Variants in TAFA1 observed in about 807,000 individuals in gnomAD.
TAFA1 encodes the protein TAFA chemokine like family member 1.
A neutral mutation model predicts 18.5 loss-of-function variants in TAFA1; 4 were observed. The ratio of observed to expected loss-of-function variants is 0.22; its 90% CI spans 0.11 to 0.49. The LOEUF (loss-of-function observed/expected upper bound fraction) is 0.49. Among genes scored for constraint, TAFA1 ranks in the 20% least tolerant of loss-of-function variants. The pLI is 0.98. For synonymous variants in TAFA1, 56 were observed against 55.2 expected, an observed-to-expected ratio of 1.01 and a Z score of -0.06; for missense variants, 147 against 169.0, an observed-to-expected ratio of 0.87 and a Z score of 0.72.
rs143873429 is a variant in TAFA1 at position 68,352,080 on chromosome 3, C to G, written c.119-65200C>G. ...TAAGAATACACAATTGTGGGAGATTCCAGGAAAGTAAGGGTCTGAAGGAGG... is the reference window on the plus strand; with the variant it reads ...TAAGAATACACAATTGTGGGAGATTGCAGGAAAGTAAGGGTCTGAAGGAGG... On this transcript the variant is annotated intron_variant, in intron 2 of 4. Coordinates refer to ENST00000478136, the MANE Select transcript of TAFA1 (RefSeq NM_213609.4). Among the ~76,000 whole-genome samples the G allele has an allele frequency of 9.9e-5, 15 of 151,946 alleles. No homozygotes were observed. The East Asian group carries it at 2.9e-3, about 30-fold the overall frequency.
chr3:68,176,341 G>A (rs1372299265), intron 2 of TAFA1, among the ~76,000 whole-genome samples: 1 of 152,138 alleles, frequency 6.6e-6, no homozygotes, highest in African/African-American at 2.4e-5. Flanking sequence ...AACTAGGTGA[G>A]CATGGTGTCA....
chr3:67,991,696 C>T, the TAFA1 span, among the ~76,000 whole-genome samples: 65 of 152,202 alleles, frequency 4.3e-4, no homozygotes, highest in Non-Finnish European at 8.5e-4. Flanking sequence ...ACACCATCAG[C>T]TTCCCTGGTC....
At chr3:68,409,786 T>G (rs1213538820) in intron 2 of TAFA1, among the ~76,000 whole-genome samples, 1 of 152,038 alleles carries the variant, frequency 6.6e-6, no homozygotes, top group Admixed American at 6.6e-5. Flanking sequence ...TAGCCCAGAG[T>G]GATCCAGTTG....
At chr3:68,033,279 C>T (rs1559710521) in intron 2 of TAFA1, among the ~76,000 whole-genome samples, 1 of 152,114 alleles carries the variant, frequency 6.6e-6, no homozygotes, top group Non-Finnish European at 1.5e-5. Context: ...TCAGCTGTTT[C>T]GATCTTCACC....
chr3:68,118,317 A>T (rs1240624184), intron 2 of TAFA1, among the ~76,000 whole-genome samples: 2 of 152,076 alleles, frequency 1.3e-5, no homozygotes, highest in Non-Finnish European at 1.5e-5. Flanking sequence ...CTACCATAAG[A>T]ATCTAATACT....
intron 2 of TAFA1, among the ~76,000 whole-genome samples, chr3:68,295,422 A>G (rs1246591799): frequency 6.6e-6 from 1 of 152,178 alleles, no homozygotes; most frequent in Non-Finnish European, 1.5e-5. Context: ...TCAGTTAAAA[A>G]AAAAAGACTT....
intron 2 of TAFA1, among the ~76,000 whole-genome samples, chr3:68,324,804 C>T (rs974436181): frequency 2.0e-5 from 3 of 152,068 alleles, no homozygotes; most frequent in East Asian, 1.9e-4. Flanking sequence ...GTAGGACAAA[C>T]GAAGTGGAGC....
chr3:68,021,185 CAAAAAAAAA>C (rs10610707), intron 2 of TAFA1, among the ~76,000 whole-genome samples: 3,541 of 56,106 alleles, frequency 0.063, 130 homozygotes, highest in East Asian at 0.28. Context: ...GACCCTGTCT[CAAAAAAAAA>C]AAAAAAAAAA....
At chr3:68,536,980 AT>A (rs2073287492) in intron 3 of TAFA1, among the ~76,000 whole-genome samples, 1 of 152,140 alleles carries the variant, frequency 6.6e-6, no homozygotes, top group African/African-American at 2.4e-5. Context: ...CTTTCAGTCA[AT>A]TCATTTTTTC....
chr3:68,458,492 T>C (rs772516386), intron 3 of TAFA1, among the ~76,000 whole-genome samples: 1 of 152,174 alleles, frequency 6.6e-6, no homozygotes, highest in Non-Finnish European at 1.5e-5. Flanking sequence ...CATATACCTG[T>C]TCATTGTTTT....
At chr3:68,229,837 T>G (rs1217520049) in intron 2 of TAFA1, among the ~76,000 whole-genome samples, 3 of 152,224 alleles carry the variant, frequency 2.0e-5, no homozygotes, top group African/African-American at 7.2e-5. Flanking sequence ...TTTCTTCATC[T>G]ATATAACGGA....
chr3:68,236,015 T>G (rs1231852481), intron 2 of TAFA1, among the ~76,000 whole-genome samples: 3 of 152,182 alleles, frequency 2.0e-5, no homozygotes, highest in Admixed American at 2.0e-4. Flanking sequence ...GAGTTAGCTT[T>G]TGGCATCTGC....
chr3:68,143,430 T>A (rs187714441), intron 2 of TAFA1, among the ~76,000 whole-genome samples: 87 of 152,310 alleles, frequency 5.7e-4, no homozygotes, highest in African/African-American at 2.0e-3. Context: ...ATCCTTCTAC[T>A]AACACTCTGA....
chr3:68,489,916 G>A (rs143891625), intron 3 of TAFA1, among the ~76,000 whole-genome samples: 2 of 152,284 alleles, frequency 1.3e-5, no homozygotes, highest in African/African-American at 4.8e-5. Context: ...CCAGCTGGAT[G>A]AGCCATCTTT....
intron 3 of TAFA1, among the ~76,000 whole-genome samples, chr3:68,530,395 C>A (rs1260287359): frequency 2.0e-5 from 3 of 152,000 alleles, no homozygotes; most frequent in Admixed American, 2.0e-4. Flanking sequence ...AGCAATATGA[C>A]CTAGTATAAG....
At chr3:68,309,183 T>C (rs1226343307) in intron 2 of TAFA1, among the ~76,000 whole-genome samples, 1 of 152,202 alleles carries the variant, frequency 6.6e-6, no homozygotes, top group African/African-American at 2.4e-5. Flanking sequence ...AATATTTGTC[T>C]ATTCTGTTTA....
chr3:68,173,910 A>AG (rs2066090995), intron 2 of TAFA1, among the ~76,000 whole-genome samples: 1 of 136,024 alleles, frequency 7.4e-6, no homozygotes, highest in African/African-American at 2.7e-5. Context: ...AATTAAAAAA[A>AG]TATATATTTC....
chr3:68,246,406 C>T (rs1002102589), intron 2 of TAFA1, among the ~76,000 whole-genome samples: 2 of 151,484 alleles, frequency 1.3e-5, no homozygotes, highest in African/African-American at 4.8e-5. Flanking sequence ...CTGGCTAACA[C>T]GGTGAAACCC....
intron 3 of TAFA1, among the ~76,000 whole-genome samples, chr3:68,527,376 G>A (rs945997992): frequency 6.6e-6 from 1 of 152,142 alleles, no homozygotes; most frequent in African/African-American, 2.4e-5. Flanking sequence ...ATGTACCCCT[G>A]TGTTCCAATA....
Sources: allele counts gnomAD v4.1 joint callset (sites outside exome capture counted in the v4.1 genomes callset), GRCh38; gene constraint gnomAD v4.1.1; transcripts MANE v1.5; gene names NCBI Gene and HGNC (gene_info 2026-07-23, HGNC 2026-07-21).